The following ZBTB8B variants were observed in gnomAD, a reference collection of about 807,000 sequenced individuals.
ZBTB8B encodes zinc finger and BTB domain containing 8B, also known as zinc finger and BTB domain-containing protein 8B.
ZBTB8B carries 17 observed loss-of-function variants against 30.3 expected under a neutral mutation model. The observed-to-expected ratio is 0.56, with a 90% CI of 0.38 to 0.84. The LOEUF is 0.84. Among genes scored for constraint, ZBTB8B ranks in the 40% least tolerant of loss-of-function variants. ZBTB8B has a pLI of 0.00. For synonymous variants in ZBTB8B, 248 were observed against 255.6 expected (o/e 0.97, Z 0.28); for missense variants, 515 against 644.9 (o/e 0.80, Z 2.18).
At chr1:32,469,535 G>A (rs1330028074) in intron 1 of ZBTB8B, among the ~76,000 whole-genome samples, 3 of 152,116 alleles carry the variant, frequency 2.0e-5, no homozygotes, top group African/African-American at 2.4e-5. Context: ...GATTACAGGT[G>A]TGAGCCACCG....
rs1041522794 is a variant in ZBTB8B at position 32,465,929 on chromosome 1, C to T, written c.-42+824C>T. ...GGCATGGTGGCGCGCACCTGTAGTC[C>T]CTGCTACTCGGGAAGCTAAGGTTGG... is the stretch of plus-strand genomic sequence containing the variant. On this transcript the variant is annotated intron_variant, in intron 1 of 3. Coordinates refer to ENST00000609129, the MANE Select transcript of ZBTB8B (RefSeq NM_001145720.2). This position sits in a 1 kb window ranked among gnomAD's most constrained non-coding sequence, Gnocchi z 4.1. Among the ~76,000 whole-genome samples the T allele has an allele frequency of 1.3e-5, 2 of 152,058 alleles. No homozygotes were observed. The highest frequency in any genetic ancestry group is 2.9e-5 in the Non-Finnish European group (2 of 68,024).
chr1:32,467,860 C>G (rs1422695123), intron 1 of ZBTB8B, among the ~76,000 whole-genome samples: 2 of 151,828 alleles, frequency 1.3e-5, no homozygotes. Context: ...CACCTGTAAC[C>G]CCAGCACTTT....
At chr1:32,482,669 C>CAAAAAA (rs1050028688) in intron 3 of ZBTB8B, among the ~76,000 whole-genome samples, 68 of 39,348 alleles carry the variant, frequency 1.7e-3, no homozygotes, top group Middle Eastern at 0.016. Flanking sequence ...GACTCCGTGT[C>CAAAAAA]AAAAAAAAAA....
chr1:32,468,248 G>A (rs1643588497), intron 1 of ZBTB8B, among the ~76,000 whole-genome samples: 1 of 152,180 alleles, frequency 6.6e-6, no homozygotes, highest in East Asian at 1.9e-4. Flanking sequence ...GGCTCCATCA[G>A]CCTGAGCTGG....
chr1:32,481,396 G>C (rs1315202903), intron 3 of ZBTB8B, among the ~76,000 whole-genome samples: 1 of 152,094 alleles, frequency 6.6e-6, no homozygotes, highest in African/African-American at 2.4e-5. Context: ...CTTCCTACCA[G>C]TGTGATACCA....
chr1:32,475,189 A>G (rs949890413), intron 2 of ZBTB8B, among the ~76,000 whole-genome samples: 1 of 152,202 alleles, frequency 6.6e-6, no homozygotes, highest in African/African-American at 2.4e-5. Flanking sequence ...TTATTCATTT[A>G]TTTGTTCAAA....
rs1643610326 is a variant in ZBTB8B, at chr1:32,470,667, A to C, written c.43A>C (p.Asn15His). Residue 15 changes from asparagine to histidine, a missense_variant, in exon 2 of 4, where the codon AAT (asparagine) becomes CAT (histidine). This residue lies in a region of ZBTB8B where 25 missense variants were observed against 22.9 expected (regional missense o/e 1.09). Transcript: ENST00000609129. ...SYYAKLLGEL[N>H]EQRKRDFFCD... is the part of the protein sequence containing the mutation. ...TTATGCCAAGCTTTTGGGGGAGCTGAATGAACAGAGAAAGAGGGACTTTTT... is the reference window on the plus strand; with the variant it reads ...TTATGCCAAGCTTTTGGGGGAGCTGCATGAACAGAGAAAGAGGGACTTTTT... 6.4e-7 allele frequency: 1 copy of C among 1,551,534 alleles called. No individual in the cohort carries two copies. Among genetic ancestry groups the C allele is most frequent in the South Asian group, 1.2e-5 (1 of 84,060 alleles).
rs1053392549 is a variant in ZBTB8B, at chr1:32,485,839, G to A, written c.*421G>A. On this transcript the variant is annotated 3_prime_UTR_variant, in exon 4 of 4. Coordinates refer to ENST00000609129, the MANE Select transcript of ZBTB8B (RefSeq NM_001145720.2). The stretch of plus-strand genomic sequence containing the variant: ...TTGGGATCAAGTTTACCTTTGCCAA[G>A]CCTTTCCTAATGAATTCCACATTAA... 1.8e-5 allele frequency: 3 copies of A among 168,260 alleles called. No individual in the cohort carries two copies. Among genetic ancestry groups the A allele is most frequent in the African/African-American group, 7.2e-5 (3 of 41,638 alleles). The allele number at this position is 168,260 out of a possible 1,614,324, so 10.4% of individuals were successfully genotyped here.
At chr1:32,480,859 G>C (rs1276220748) in intron 2 of ZBTB8B, 32 bp from the exon 3 acceptor site, 1 of 1,542,342 alleles carries the variant, frequency 6.5e-7, no homozygotes, top group African/African-American at 1.4e-5. Context: ...ACTGCATACA[G>C]CACAGCTAAA....
At chr1:32,466,451 A>C (rs1385914078) in intron 1 of ZBTB8B, among the ~76,000 whole-genome samples, 1 of 152,164 alleles carries the variant, frequency 6.6e-6, no homozygotes, top group African/African-American at 2.4e-5. Flanking sequence ...CAGAGTGCGG[A>C]TAAATGTGCT....
rs371972015 is a variant in ZBTB8B at position 32,484,410 on chromosome 1, A to C, written c.1171-691A>C. ...TGAGAATCGCTAGGTGGAGGCCCTA[A>C]CTGGCCTAGAGCATCAGGAAAGACC... On this transcript the variant is annotated intron_variant, in intron 3 of 3. Coordinates refer to ENST00000609129, the MANE Select transcript of ZBTB8B (RefSeq NM_001145720.2). This position sits in a 1 kb window ranked among gnomAD's most constrained non-coding sequence, Gnocchi z 4.5. Among the ~76,000 whole-genome samples, 5 of 152,134 alleles carry C rather than the reference A, an allele frequency of 3.3e-5. No homozygotes were observed. Among genetic ancestry groups the C allele is most frequent in the African/African-American group, 9.7e-5 (4 of 41,424 alleles).
chr1:32,485,307 T>G lies in ZBTB8B; in HGVS notation c.1377T>G (p.Asn459Lys). Reference protein sequence around the residue: ...SESQEKSDTDNDWPIYVESGE... With the variant: ...SESQEKSDTDKDWPIYVESGE... ...GCCAAGAAAAGAGCGACACAGACAA[T>G]GACTGGCCAATCTATGTGGAGTCGG... The change falls in exon 4 of 4, where the codon AAT becomes AAG. Residue 459 changes from asparagine to lysine, a missense_variant. Physicochemically the swap from Asn to Lys is moderately conservative, Grantham distance 94. Transcript: ENST00000609129. The G allele has an allele frequency of 6.4e-7, 1 of 1,552,264 alleles. No individual in the cohort carries two copies. The highest frequency in any genetic ancestry group is 8.7e-7 in the Non-Finnish European group (1 of 1,147,126).
At chr1:32,474,848 C>T (rs1395370422) in intron 2 of ZBTB8B, among the ~76,000 whole-genome samples, 3 of 152,216 alleles carry the variant, frequency 2.0e-5, no homozygotes, top group African/African-American at 7.2e-5. Context: ...ACTGGAGTGG[C>T]TTCTTTCATT....
intron 1 of ZBTB8B, among the ~76,000 whole-genome samples, chr1:32,469,111 G>T (rs1210903511): frequency 6.6e-6 from 1 of 151,984 alleles, no homozygotes; most frequent in Non-Finnish European, 1.5e-5. Context: ...CAGGAGGGTT[G>T]CTTGAGCCCA....
chr1:32,468,724 G>T (rs1643592648), intron 1 of ZBTB8B, among the ~76,000 whole-genome samples: 1 of 152,104 alleles, frequency 6.6e-6, no homozygotes, highest in South Asian at 2.1e-4. Flanking sequence ...AGCTGGGTGT[G>T]GTGGCATACA....
chr1:32,479,866 A>C (rs1023881661), intron 2 of ZBTB8B, among the ~76,000 whole-genome samples: 2 of 152,212 alleles, frequency 1.3e-5, no homozygotes, highest in African/African-American at 4.8e-5. Flanking sequence ...AAATTGGAAA[A>C]AGATTTAAGT....
chr1:32,469,204 A>G (rs1198906775), intron 1 of ZBTB8B, among the ~76,000 whole-genome samples: 4 of 151,004 alleles, frequency 2.6e-5, no homozygotes, highest in Non-Finnish European at 5.9e-5. Flanking sequence ...CCTCTAAAAA[A>G]GAAAACCAGT....
At position 32,485,406 on chromosome 1, in the gene ZBTB8B, G is replaced by A. The variant is rs1053167917; in HGVS notation, c.1476G>A (p.Glu492=). 3.9e-6 allele frequency: 6 copies of A among 1,550,686 alleles called. No individual in the cohort carries two copies. The highest frequency in any genetic ancestry group is 5.2e-6 in the Non-Finnish European group (6 of 1,146,028). ...PQIQPNLSDR[E]TLT Reference sequence around the variant, plus strand: ...TTCAGCCTAACTTATCAGACCGAGAGACACTTACGTAGCAATAAATTGGTG... The same window carrying A: ...TTCAGCCTAACTTATCAGACCGAGAAACACTTACGTAGCAATAAATTGGTG... The change falls in exon 4 of 4, where the codon GAG becomes GAA. Residue 492 remains glutamate (E), a synonymous_variant. Transcript: ENST00000609129.
chr1:32,481,146 T>C, intron 3 of ZBTB8B, 77 bp downstream of exon 3: 1 of 1,342,580 alleles, frequency 7.4e-7, no homozygotes, highest in East Asian at 2.7e-5. Flanking sequence ...GAAGCCAGCC[T>C]GTCTTTCATT....
Sources: allele counts gnomAD v4.1 joint callset (sites outside exome capture counted in the v4.1 genomes callset), GRCh38; gene constraint gnomAD v4.1.1; regional missense constraint gnomAD v4.1.1; non-coding constraint Gnocchi (gnomAD v3.1); transcripts MANE v1.5; gene names NCBI Gene and HGNC (gene_info 2026-07-23, HGNC 2026-07-21).